Variants in NAALADL2 observed in about 807,000 individuals in gnomAD.
NAALADL2 encodes inactive N-acetylated-alpha-linked acidic dipeptidase-like protein 2.
NAALADL2 carries 76 observed loss-of-function variants against 87.2 expected under a neutral mutation model. The ratio of observed to expected loss-of-function variants is 0.87; its 90% CI spans 0.72 to 1.05. The LOEUF (loss-of-function observed/expected upper bound fraction) is 1.05, where lower values mean the gene tolerates loss of function less well. Among genes scored for constraint, NAALADL2 ranks in the 50% least tolerant of loss-of-function variants. NAALADL2 has a pLI of 0.00. For synonymous variants in NAALADL2, 354 were observed against 331.0 expected (o/e 1.07, Z -0.75); for missense variants, 1,089 against 945.8 (o/e 1.15, Z -1.99).
intron 10 of NAALADL2, among the ~76,000 whole-genome samples, chr3:175,594,289 G>T (rs1414400439): frequency 6.6e-6 from 1 of 152,062 alleles, no homozygotes; most frequent in Non-Finnish European, 1.5e-5. Flanking sequence ...TTAGAATGAT[G>T]GTCTCCAGTT....
chr3:175,729,312 C>T lies in NAALADL2; in HGVS notation c.1897-7994C>T, dbSNP rs560630304. On this transcript the variant is annotated intron_variant, in intron 11 of 13. Coordinates refer to ENST00000454872, the MANE Select transcript of NAALADL2 (RefSeq NM_207015.3). ...AAGGATCAATAGCTACTAGTTAGGA[C>T]GGTTCATGATTCATCTACTATTTGT... Among the ~76,000 whole-genome samples the T allele has an allele frequency of 6.6e-5, 10 of 152,164 alleles. No individual in the cohort carries two copies. In the South Asian group the frequency reaches 8.3e-4, roughly 13 times the overall value.
rs532963413 is a variant in NAALADL2, at chr3:174,749,075, T to C, written c.-9+11329T>C. ...ACTTGCCTGTTTCAGCCAGGACTTATAACATTTAATCTCCCTATATGCTTT... is the reference window on the plus strand; with the variant it reads ...ACTTGCCTGTTTCAGCCAGGACTTACAACATTTAATCTCCCTATATGCTTT... On this transcript the variant is annotated intron_variant, in intron 3 of 3. Coordinates refer to the NAALADL2 transcript ENST00000434257. 2.6e-4 allele frequency among the ~76,000 whole-genome samples: 39 copies of C among 152,312 alleles called. 1 individual carries two copies. Among genetic ancestry groups the C allele is most frequent in the African/African-American group, 7.0e-4 (29 of 41,578 alleles).
chr3:175,147,337 C>T (rs1258322147), intron 2 of NAALADL2, among the ~76,000 whole-genome samples: 3 of 151,966 alleles, frequency 2.0e-5, no homozygotes, highest in Non-Finnish European at 2.9e-5. Context: ...GAGAACATGC[C>T]GTATTTGGTT....
intron 9 of NAALADL2, among the ~76,000 whole-genome samples, chr3:175,557,703 G>T (rs536819376): frequency 8.1e-4 from 124 of 152,166 alleles, no homozygotes; most frequent in African/African-American, 2.8e-3. Flanking sequence ...GTGACCCCCA[G>T]TTCCATCAAT....
At chr3:174,495,755 C>CA (rs78762477) in intron 1 of NAALADL2, among the ~76,000 whole-genome samples, 97,256 of 151,332 alleles carry the variant, frequency 0.64, 31,541 homozygotes, top group East Asian at 0.89. Context: ...GGTGTGATAG[C>CA]AAAAATGAAA....
intron 3 of NAALADL2, among the ~76,000 whole-genome samples, chr3:174,752,188 G>A (rs1734903045): frequency 6.6e-6 from 1 of 151,982 alleles, no homozygotes; most frequent in South Asian, 2.1e-4. Flanking sequence ...TTTTAGCCAG[G>A]ATGGTCTCAA....
intron 11 of NAALADL2, among the ~76,000 whole-genome samples, chr3:175,670,338 CTTAAG>C (rs1181617087): frequency 6.7e-6 from 1 of 149,550 alleles, no homozygotes. Flanking sequence ...AATAATTAAA[CTTAAG>C]TTGACTTTCA....
intron 11 of NAALADL2, among the ~76,000 whole-genome samples, chr3:175,701,018 C>A (rs1309910720): frequency 6.6e-6 from 1 of 152,060 alleles, no homozygotes; most frequent in Non-Finnish European, 1.5e-5. Flanking sequence ...ATGAAGACCA[C>A]CCAAATGACA....
intron 11 of NAALADL2, among the ~76,000 whole-genome samples, chr3:175,641,237 G>A (rs1400329926): frequency 6.6e-6 from 1 of 152,136 alleles, no homozygotes; most frequent in South Asian, 2.1e-4. Context: ...TCCTGGAGAT[G>A]CTTTATAAAG....
At chr3:174,832,549 C>T (rs1270467326) in intron 3 of NAALADL2, among the ~76,000 whole-genome samples, 2 of 152,086 alleles carry the variant, frequency 1.3e-5, no homozygotes, top group Non-Finnish European at 2.9e-5. Context: ...GCAAGCTCTG[C>T]CTCCCAGGTT....
At chr3:175,131,509 C>G (rs559191215) in intron 2 of NAALADL2, among the ~76,000 whole-genome samples, 2 of 152,308 alleles carry the variant, frequency 1.3e-5, no homozygotes, top group African/African-American at 4.8e-5. Flanking sequence ...TTTCTTAGTA[C>G]AGAGCAAAAT....
At chr3:174,941,339 T>C (rs1395120690) in intron 1 of NAALADL2, among the ~76,000 whole-genome samples, 1 of 152,078 alleles carries the variant, frequency 6.6e-6, no homozygotes, top group East Asian at 1.9e-4. Context: ...CTTCTCTTTT[T>C]TTTGCACTAT....
intron 9 of NAALADL2, among the ~76,000 whole-genome samples, chr3:175,514,974 T>C (rs1038887868): frequency 6.6e-6 from 1 of 152,208 alleles, no homozygotes; most frequent in Non-Finnish European, 1.5e-5. Context: ...AATATATGTA[T>C]AAATCCCTAA....
chr3:175,185,907 T>C (rs1434727629), intron 2 of NAALADL2, among the ~76,000 whole-genome samples: 1 of 151,976 alleles, frequency 6.6e-6, no homozygotes, highest in Non-Finnish European at 1.5e-5. Flanking sequence ...TTTTAAAATT[T>C]ATATTTTCAC....
At chr3:175,339,779 T>C (rs1221265059) in intron 5 of NAALADL2, among the ~76,000 whole-genome samples, 1 of 152,170 alleles carries the variant, frequency 6.6e-6, no homozygotes, top group Non-Finnish European at 1.5e-5. Context: ...ACCTTATCCA[T>C]TACCTATCTG....
At chr3:175,477,898 C>G (rs949548096) in intron 9 of NAALADL2, among the ~76,000 whole-genome samples, 1 of 151,762 alleles carries the variant, frequency 6.6e-6, no homozygotes, top group African/African-American at 2.4e-5. Context: ...ACTTTTTTTT[C>G]CACAAGAATT....
At chr3:175,627,939 T>C (rs1727216078) in intron 11 of NAALADL2, among the ~76,000 whole-genome samples, 1 of 145,746 alleles carries the variant, frequency 6.9e-6, no homozygotes, top group Non-Finnish European at 1.5e-5. Context: ...GGTAAGGTAC[T>C]TGTTTATGAT....
At chr3:175,098,508 G>C (rs1025002162) in intron 2 of NAALADL2, among the ~76,000 whole-genome samples, 6 of 152,114 alleles carry the variant, frequency 3.9e-5, no homozygotes, top group Non-Finnish European at 5.9e-5. Context: ...GGGCAGATAG[G>C]GGGGCATAAC....
At chr3:175,157,200 G>A (rs543979187) in intron 2 of NAALADL2, among the ~76,000 whole-genome samples, 7 of 152,100 alleles carry the variant, frequency 4.6e-5, no homozygotes, top group South Asian at 2.1e-4. Flanking sequence ...CTCCAGTTGC[G>A]CCTGTGTATT....
Sources: gnomAD v4.1 joint callset for allele counts (sites outside exome capture counted in the v4.1 genomes callset) on GRCh38, gnomAD v4.1.1 for gene constraint, MANE v1.5 for transcripts, NCBI Gene and HGNC (gene_info 2026-07-23, HGNC 2026-07-21) for gene names.